The following MAPK10 variants were observed in gnomAD, a reference collection of about 807,000 sequenced individuals.
The protein encoded by MAPK10 is JNK3 alpha protein kinase.
MAPK10 carries 25 observed loss-of-function variants against 59.3 expected under a neutral mutation model. The observed-to-expected ratio is 0.42, with a 90% CI of 0.31 to 0.59. The LOEUF is 0.59. Among genes scored for constraint, MAPK10 ranks in the 20% least tolerant of loss-of-function variants. The pLI is 0.15. For synonymous variants in MAPK10, 190 were observed against 200.5 expected (o/e 0.95, Z 0.44); for missense variants, 351 against 568.9 (o/e 0.62, Z 3.90).
intron 4 of MAPK10, among the ~76,000 whole-genome samples, chr4:86,140,370 C>A (rs955615912): frequency 3.5e-5 from 5 of 144,688 alleles, no homozygotes; most frequent in Admixed American, 6.8e-5. Context: ...ATGATGAGTT[C>A]ATGTCCTTTG....
At chr4:86,499,378 T>C (rs1755127662) in intron 1 of MAPK10, among the ~76,000 whole-genome samples, 1 of 152,184 alleles carries the variant, frequency 6.6e-6, no homozygotes, top group Non-Finnish European at 1.5e-5. Flanking sequence ...CTTCAGTGCA[T>C]GACCAAAAAC....
rs140870407 is a variant in MAPK10 at position 86,475,735 on chromosome 4, C to T, written c.-263+118175G>A. On this transcript the variant is annotated intron_variant, in intron 1 of 4. Coordinates refer to the MAPK10 transcript ENST00000502302. ...CTCCCAACCCCTTCTTCACCCTTAG[C>T]GGCAAGTACCGCTTTTCTAGGGGGC... Among the ~76,000 whole-genome samples, 31 of 151,994 alleles carry T rather than the reference C, an allele frequency of 2.0e-4. 1 individual carries two copies. The East Asian group carries it at 3.7e-3, about 18-fold the overall frequency.
chr4:86,345,755 G>C (rs1461334559), intron 2 of MAPK10, among the ~76,000 whole-genome samples: 1 of 152,164 alleles, frequency 6.6e-6, no homozygotes, highest in Non-Finnish European at 1.5e-5. Context: ...CCCCGCTCTA[G>C]ACAATTCTTG....
Position 86,438,258 on chromosome 4 carries a change from C to T in MAPK10, c.-122+14772G>A, listed in dbSNP as rs1748998824. ...TGTATGTTATACTTAAATAAATATG[C>T]TTATAAAAGAGATCATTGGGTAAAA... On this transcript the variant is annotated intron_variant, in intron 1 of 13. Coordinates refer to the MAPK10 transcript ENST00000361569. Among the ~76,000 whole-genome samples the T allele has an allele frequency of 2.0e-5, 3 of 151,948 alleles. No individual in the cohort carries two copies. In the South Asian group the frequency reaches 6.2e-4, roughly 32 times the overall value.
rs115591919 is a variant in MAPK10, at chr4:86,358,151, A to G, written c.-122+1507T>C. Reference sequence around the variant, plus strand: ...TCTAATGGTTCTGAAGTGGAGTCAGAAGCTTGTGATATACTTATATATTTA... The same window carrying G: ...TCTAATGGTTCTGAAGTGGAGTCAGGAGCTTGTGATATACTTATATATTTA... On this transcript the variant is annotated intron_variant, in intron 1 of 13. Transcript: ENST00000641462. The G allele has an allele frequency of 1.1e-3, 1,067 of 985,098 alleles. 13 individuals carry two copies. The African/African-American group carries it at 0.017, about 16-fold the overall frequency. 61.0% of individuals were successfully genotyped at this position (985,098 alleles called of 1,614,324 possible).
intron 2 of MAPK10, among the ~76,000 whole-genome samples, chr4:86,242,998 G>T (rs562083826): frequency 6.6e-6 from 1 of 152,342 alleles, no homozygotes; most frequent in East Asian, 1.9e-4. Flanking sequence ...AGTTCCGTGG[G>T]AAAAGCACAG....
chr4:86,528,362 A>C (rs1479871159), intron 1 of MAPK10, among the ~76,000 whole-genome samples: 1 of 152,146 alleles, frequency 6.6e-6, no homozygotes, highest in Non-Finnish European at 1.5e-5. Context: ...AAACAACATA[A>C]AAATTGCATA....
chr4:86,483,171 G>T (rs556820166), intron 1 of MAPK10, among the ~76,000 whole-genome samples: 1 of 152,090 alleles, frequency 6.6e-6, no homozygotes, highest in Admixed American at 6.6e-5. Context: ...TTGGTAAACC[G>T]TACCCCTCTA....
intron 3 of MAPK10, among the ~76,000 whole-genome samples, chr4:86,167,888 C>G (rs2072386349): frequency 6.6e-6 from 1 of 152,026 alleles, no homozygotes; most frequent in Non-Finnish European, 1.5e-5. Flanking sequence ...GGCAATCAGG[C>G]AAGAGAAAGA....
intron 2 of MAPK10, among the ~76,000 whole-genome samples, chr4:86,317,283 C>T (rs1170474187): frequency 1.3e-5 from 2 of 152,134 alleles, no homozygotes; most frequent in Non-Finnish European, 2.9e-5. Flanking sequence ...ATTAGATCAG[C>T]CTCCCATGCA....
intron 1 of MAPK10, among the ~76,000 whole-genome samples, chr4:86,417,004 A>C (rs915999899): frequency 6.6e-6 from 1 of 152,058 alleles, no homozygotes; most frequent in African/African-American, 2.4e-5. Flanking sequence ...CCTCTTCAAT[A>C]CTCTAAGAGA....
intron 1 of MAPK10, among the ~76,000 whole-genome samples, chr4:86,468,522 A>G (rs879552275): frequency 1.3e-5 from 2 of 152,190 alleles, no homozygotes; most frequent in Admixed American, 6.5e-5. Flanking sequence ...GGTGAAACAG[A>G]ATAGTTTTTT....
At chr4:86,094,734 T>C (rs1381871705) in intron 9 of MAPK10, among the ~76,000 whole-genome samples, 1 of 151,842 alleles carries the variant, frequency 6.6e-6, no homozygotes, top group Non-Finnish European at 1.5e-5. Flanking sequence ...AAGGAAGCAT[T>C]GTAAAGCTGC....
chr4:86,266,616 AAAAT>A (rs2094247035), intron 2 of MAPK10, among the ~76,000 whole-genome samples: 1 of 152,182 alleles, frequency 6.6e-6, no homozygotes, highest in African/African-American at 2.4e-5. Context: ...AAATCATGTA[AAAAT>A]AAATAAATAA....
chr4:86,448,401 GTTTT>G (rs35968542), intron 1 of MAPK10, among the ~76,000 whole-genome samples: 1 of 147,696 alleles, frequency 6.8e-6, no homozygotes, highest in African/African-American at 2.5e-5. Flanking sequence ...AGAATTCTGG[GTTTT>G]TTTTTTTATC....
chr4:86,385,684 G>T (rs1475532626), intron 1 of MAPK10, among the ~76,000 whole-genome samples: 1 of 152,138 alleles, frequency 6.6e-6, no homozygotes, highest in Admixed American at 6.5e-5. Context: ...CACACAGAAT[G>T]AATACGATTA....
intron 1 of MAPK10, among the ~76,000 whole-genome samples, chr4:86,464,086 T>C (rs1751984609): frequency 2.0e-5 from 3 of 152,346 alleles, no homozygotes; most frequent in East Asian, 3.9e-4. Context: ...GGAAAAATTA[T>C]TGTCCCTCAT....
chr4:86,307,597 C>G (rs1037683203), intron 2 of MAPK10, among the ~76,000 whole-genome samples: 10 of 151,956 alleles, frequency 6.6e-5, no homozygotes, highest in African/African-American at 2.2e-4. Flanking sequence ...AAATGAGAAC[C>G]AAGGTTATCC....
chr4:86,308,891 CTTCAT>C (rs1194133964), intron 2 of MAPK10: 2 of 152,122 alleles, frequency 1.3e-5, no homozygotes, highest in Non-Finnish European at 2.9e-5. Context: ...ATTCAGTAAA[CTTCAT>C]TTCATTTCAT....
Sources: gnomAD v4.1 joint callset for allele counts (sites outside exome capture counted in the v4.1 genomes callset) on GRCh38, gnomAD v4.1.1 for gene constraint, MANE v1.5 for transcripts, NCBI Gene and HGNC (gene_info 2026-07-23, HGNC 2026-07-21) for gene names.